The following KDM5C variants were observed in gnomAD, a reference collection of about 807,000 sequenced individuals.
The protein encoded by KDM5C is lysine demethylase 5C.
KDM5C carries 16 observed loss-of-function variants against 110.6 expected under a neutral mutation model. That is an observed-to-expected ratio of 0.14 (90% CI 0.10 to 0.22). The LOEUF (loss-of-function observed/expected upper bound fraction) is 0.22. KDM5C is among the 10% of genes least tolerant of loss of function. KDM5C has a pLI of 1.00. For missense variants in KDM5C, 681 were observed against 1,300.9 expected, an observed-to-expected ratio of 0.52 and a Z score of 7.33; for synonymous variants, 511 against 520.4, an observed-to-expected ratio of 0.98 and a Z score of 0.24.
Position 53,193,535 on chromosome X carries a change from C to T in KDM5C, c.4219G>A (p.Asp1407Asn). The T allele has an allele frequency of 1.7e-6, 2 of 1,211,949 alleles. No individual in the cohort carries two copies. The highest frequency in any genetic ancestry group is 2.2e-6 in the Non-Finnish European group (2 of 895,441). ...TCATCCAGGGTCACCTCGAGCAGGT[C>T]CCCCTCCATCATGAGCTCCTCCAAG... is the stretch of plus-strand genomic sequence containing the variant. Reference protein sequence around the residue: ...APLEELMMEGDLLEVTLDENH... With the variant: ...APLEELMMEGNLLEVTLDENH... The change falls in exon 25 of 26, where the codon GAC becomes AAC. Residue 1407 changes from aspartate to asparagine, a missense_variant. Around this residue, in one of 14 missense-constraint regions of KDM5C, gnomAD observed 88 missense variants for 85.6 expected, o/e 1.03. Coordinates refer to ENST00000375401, the MANE Select transcript of KDM5C (RefSeq NM_004187.5).
downstream of KDM5C, among the ~76,000 whole-genome samples, chrX:53,190,467 C>T (rs1264049709): frequency 8.9e-6 from 1 of 112,559 alleles, no homozygotes; most frequent in African/African-American, 3.2e-5. Context: ...CCTGTCTGGA[C>T]ACTTCCTGTG....
At chrX:53,211,677 A>G in intron 9 of KDM5C, 22 bp from the exon 10 acceptor site, 1 of 1,211,430 alleles carries the variant, frequency 8.3e-7, no homozygotes, top group Non-Finnish European at 1.1e-6. Flanking sequence ...CAGGTAGCAG[A>G]TGACTATGGC....
At chrX:53,198,347 C>A in intron 17 of KDM5C, 143 bp downstream of exon 17, 1 of 740,406 alleles carries the variant, frequency 1.4e-6, no homozygotes, top group Non-Finnish European at 2.0e-6. Flanking sequence ...ACCTTCCAGG[C>A]CATCTCACAC....
rs1291292927 is a variant in KDM5C, at chrX:53,209,893, G to A, written c.1746+521C>T. On this transcript the variant is annotated intron_variant, in intron 12 of 25. Coordinates refer to ENST00000375401, the MANE Select transcript of KDM5C (RefSeq NM_004187.5). ...AATAAAAAGACCTATCCACTGCTCTGAGAAGGGTAAGAGTATACAAAGTAT... is the reference window on the plus strand; with the variant it reads ...AATAAAAAGACCTATCCACTGCTCTAAGAAGGGTAAGAGTATACAAAGTAT... Among the ~76,000 whole-genome samples the A allele has an allele frequency of 9.8e-5, 11 of 112,701 alleles. No homozygotes were observed. The East Asian group carries it at 3.1e-3, about 31-fold the overall frequency.
chrX:53,198,338 C>A (rs998747201), intron 17 of KDM5C, 152 bp downstream of exon 17: 1 of 692,616 alleles, frequency 1.4e-6, no homozygotes, highest in Non-Finnish European at 2.2e-6. Context: ...CCCCCCAACA[C>A]CTTCCAGGCC....
downstream of KDM5C, among the ~76,000 whole-genome samples, chrX:53,187,618 A>G (rs1556828517): frequency 2.7e-5 from 3 of 111,136 alleles, no homozygotes. Context: ...TAAGTCTCAC[A>G]AATCAGCCAG....
Position 53,202,197 on chromosome X carries a change from CT to C in KDM5C, c.1747-225del. ...GAAGATTTGAGATTAAAAAATATAT[CT>C]GTCAAAATATTCCAACTTCCTTAGT... On this transcript the variant is annotated intron_variant, in intron 12 of 25. Coordinates refer to ENST00000375401, the MANE Select transcript of KDM5C (RefSeq NM_004187.5). 4 of 393,511 alleles carry C rather than the reference CT, an allele frequency of 1.0e-5. No individual in the cohort carries two copies. In the East Asian group the frequency reaches 1.8e-4, roughly 18 times the overall value. The allele number at this position is 393,511 out of a possible 1,213,427, so 32.4% of individuals were successfully genotyped here.
At chrX:53,216,304 C>G in intron 5 of KDM5C, 107 bp from the exon 6 acceptor site, 1 of 1,099,914 alleles carries the variant, frequency 9.1e-7, no homozygotes, top group Non-Finnish European at 1.2e-6. Context: ...ATGCTGAGGG[C>G]TGAGGCACAG....
At chrX:53,202,762 G>C (rs1288419809) in intron 12 of KDM5C, 2 of 111,208 alleles carry the variant, frequency 1.8e-5, no homozygotes, top group Non-Finnish European at 3.8e-5. Context: ...TTTTTTTAAA[G>C]AAAGTCTCTA....
chrX:53,217,399 A>AGCCCCTGTTCCACT lies in KDM5C; in HGVS notation c.523-136_523-123dup, dbSNP rs782738173. 33 of 840,777 alleles carry AGCCCCTGTTCCACT rather than the reference A, an allele frequency of 3.9e-5. No individual in the cohort carries two copies. The East Asian group carries it at 1.1e-3, about 28-fold the overall frequency. 69.3% of individuals were successfully genotyped at this position (840,777 alleles called of 1,213,427 possible). A position where few individuals can be genotyped will look rare whatever the true frequency, so the allele number is the denominator to read the frequency against. On this transcript the variant is annotated intron_variant, in intron 4 of 25. Transcript: ENST00000375401. Reference sequence around the variant, plus strand: ...GTCCACTCACCTGACCCACACCAACAGCCCCTGTTCCACTGGTCTTTAGCA... The same window carrying AGCCCCTGTTCCACT: ...GTCCACTCACCTGACCCACACCAACAGCCCCTGTTCCACTGCCCCTGTTCCACTGGTCTTTAGCA...
chrX:53,208,063 G>A (rs1370788578), intron 12 of KDM5C, among the ~76,000 whole-genome samples: 7 of 44,040 alleles, frequency 1.6e-4, no homozygotes, highest in Non-Finnish European at 3.6e-4. Flanking sequence ...GGAAGGTGGG[G>A]TGATGGGGGC....
intron 3 of KDM5C, 124 bp from the exon 4 acceptor site, chrX:53,218,090 TC>T: frequency 2.3e-6 from 2 of 883,223 alleles, no homozygotes; most frequent in Non-Finnish European, 3.2e-6. Context: ...CTGGGGGCTA[TC>T]CCCTTATCCC....
chrX:53,221,145 T>C (rs1175471235), intron 1 of KDM5C, among the ~76,000 whole-genome samples: 1 of 90,079 alleles, frequency 1.1e-5, no homozygotes, highest in Non-Finnish European at 2.1e-5. Flanking sequence ...GCACATGCCC[T>C]AGGAAACTTC....
At chrX:53,202,117 A>C (rs2073159143) in intron 12 of KDM5C, 144 bp from the exon 13 acceptor site, 1 of 676,920 alleles carries the variant, frequency 1.5e-6, no homozygotes, top group Non-Finnish European at 2.3e-6. Context: ...CCAACTCTGA[A>C]AGGAAGGACC....
At chrX:53,185,562 A>G (rs1934193513) in intron 25 of KDM5C, among the ~76,000 whole-genome samples, 1 of 112,070 alleles carries the variant, frequency 8.9e-6, no homozygotes, top group Non-Finnish European at 1.9e-5. Context: ...GCAGTGATTT[A>G]TTTCTGCAGG....
At chrX:53,196,643 T>G in intron 19 of KDM5C, 43 bp downstream of exon 19, 1 of 1,106,872 alleles carries the variant, frequency 9.0e-7, no homozygotes, top group Non-Finnish European at 1.2e-6. Flanking sequence ...TCAACTTTGA[T>G]GTTTGGAATA....
In KDM5C at chrX:53,202,015, T is replaced by C. The variant is rs781941797; in HGVS notation, c.1747-42A>G. ...GCCATGGCTGTTGAGATAGAGATTT[T>C]CCTGTATACAGACCTGACTTAAGTG... On this transcript the variant is annotated intron_variant, in intron 12 of 25. Transcript: ENST00000375401. 8.3e-6 allele frequency: 10 copies of C among 1,205,559 alleles called. No homozygotes were observed. The East Asian group carries it at 3.0e-4, about 36-fold the overall frequency.
chrX:53,217,880 G>T lies in KDM5C; in HGVS notation c.438C>A (p.Gly146=). 1 of 1,211,414 alleles carries T rather than the reference G, an allele frequency of 8.3e-7. No homozygotes were observed. Among genetic ancestry groups the T allele is most frequent in the Non-Finnish European group, 1.1e-6 (1 of 895,078 alleles). Residue 146 remains glycine (G), a synonymous_variant, in exon 4 of 26, where the codon GGC becomes GGA. Transcript: ENST00000375401. ...AGCGTAGCAAGGAGCCAATATTTTT[G>T]CCTGGTGGATAGTTGAGGCGCTGGG... is the stretch of plus-strand genomic sequence containing the variant. The part of the protein sequence containing the change: ...RVAQRLNYPP[G]KNIGSLLRSH...
Position 53,196,758 on chromosome X carries a change from T to A in KDM5C, c.2909A>T (p.Gln970Leu), listed in dbSNP as rs1286123296. 6 of 1,211,445 alleles carry A rather than the reference T, an allele frequency of 5.0e-6. No individual in the cohort carries two copies. Among genetic ancestry groups the A allele is most frequent in the Non-Finnish European group, 6.7e-6 (6 of 895,464 alleles). Residue 970 changes from glutamine (Q) to leucine (L), a missense_variant, in exon 19 of 26, where the codon CAG becomes CTG. Around this residue, in one of 14 missense-constraint regions of KDM5C, gnomAD observed 66 missense variants for 162.9 expected, o/e 0.41. Coordinates refer to ENST00000375401, the MANE Select transcript of KDM5C (RefSeq NM_004187.5). ...GGTCAGCAGTTCCTGCAGCTCGGCC[T>A]GGGCTTTATCCACAGCAGGGCTAGG... is the stretch of plus-strand genomic sequence containing the variant. ...VAPSPAVDKAQAELQELLTIA... is the reference protein window; with the variant it reads ...VAPSPAVDKALAELQELLTIA...
Sources: gnomAD v4.1 joint callset for allele counts (sites outside exome capture counted in the v4.1 genomes callset) on GRCh38, gnomAD v4.1.1 for gene constraint, gnomAD v4.1.1 regional missense constraint, MANE v1.5 for transcripts, NCBI Gene and HGNC (gene_info 2026-07-23, HGNC 2026-07-21) for gene names.